LY6S: variants seen among roughly 807,000 people sequenced by gnomAD.
The protein encoded by LY6S is lymphocyte antigen 6 family member S, also known as lymphocyte antigen 6S.
chr8:143,057,925 T>C, the LY6S span: 2 of 578,764 alleles, frequency 3.5e-6, no homozygotes, highest in South Asian at 2.0e-5. Context: ...CGGCCCACGG[T>C]GCGGGTGGTC....
chr8:143,070,447 T>TATATATATATATATAATATATATATAA, the LY6S span, among the ~76,000 whole-genome samples: 3 of 28,388 alleles, frequency 1.1e-4, no homozygotes, highest in African/African-American at 3.0e-4. Context: ...ATATATATTG[T>TATATATATATATATAATATATATATAA]ATATATATAT....
chr8:143,046,353 G>A, the LY6S span, among the ~76,000 whole-genome samples: 223 of 151,694 alleles, frequency 1.5e-3, 1 homozygote, highest in African/African-American at 5.1e-3. Context: ...TGAAGTGGGC[G>A]GATCACAAGG....
At chr8:143,049,973 G>A in the LY6S span, among the ~76,000 whole-genome samples, 1 of 152,144 alleles carries the variant, frequency 6.6e-6, no homozygotes, top group Admixed American at 6.6e-5. Flanking sequence ...GAGTCCTCCC[G>A]AAACTGGGAG....
chr8:143,069,034 G>C, the LY6S span, among the ~76,000 whole-genome samples: 1 of 152,144 alleles, frequency 6.6e-6, no homozygotes, highest in Non-Finnish European at 1.5e-5. Flanking sequence ...GCAAAGCAAG[G>C]GGCTGTGCCA....
At chr8:143,044,492 G>A in the LY6S span, among the ~76,000 whole-genome samples, 1 of 152,008 alleles carries the variant, frequency 6.6e-6, no homozygotes, top group Non-Finnish European at 1.5e-5. Context: ...CAGCCCTGCC[G>A]CTCTTCCACC....
the LY6S span, among the ~76,000 whole-genome samples, chr8:143,067,012 T>C: frequency 1.5e-4 from 23 of 152,282 alleles, no homozygotes; most frequent in Non-Finnish European, 2.8e-4. Context: ...GGGTGGTGTT[T>C]GGATCGTTGG....
chr8:143,065,976 G>A, the LY6S span: 1 of 336,916 alleles, frequency 3.0e-6, no homozygotes, highest in Non-Finnish European at 5.7e-6. Context: ...AGGCGGGGGT[G>A]TTCGGTCCTT....
chr8:143,064,801 T>G, the LY6S span, among the ~76,000 whole-genome samples: 3 of 152,206 alleles, frequency 2.0e-5, no homozygotes, highest in Non-Finnish European at 4.4e-5. Context: ...TTTGGGTCCG[T>G]GCGGGGAATT....
At chr8:143,062,628 G>A in the LY6S span, among the ~76,000 whole-genome samples, 32 of 152,260 alleles carry the variant, frequency 2.1e-4, 1 homozygote, top group East Asian at 5.8e-3. Flanking sequence ...AGCCAAGATC[G>A]CACCATTGCA....
At chr8:143,073,437 G>A in the LY6S span, among the ~76,000 whole-genome samples, 27 of 129,732 alleles carry the variant, frequency 2.1e-4, no homozygotes, top group East Asian at 2.6e-4. Flanking sequence ...CGTCCTCGGG[G>A]TTCCTGTTTG....
the LY6S span, among the ~76,000 whole-genome samples, chr8:143,048,139 G>A: frequency 1.3e-4 from 20 of 152,310 alleles, no homozygotes; most frequent in East Asian, 3.9e-4. Context: ...AGCGGGTACC[G>A]TGGCAGTGCC....
chr8:143,050,952 G>A, the LY6S span, among the ~76,000 whole-genome samples: 6 of 152,310 alleles, frequency 3.9e-5, no homozygotes, highest in Admixed American at 6.5e-5. Flanking sequence ...ACGGGTGTGC[G>A]GACTCCAAGG....
At chr8:143,070,489 A>ATTTTTTTT in the LY6S span, among the ~76,000 whole-genome samples, 15 of 81,704 alleles carry the variant, frequency 1.8e-4, no homozygotes, top group African/African-American at 9.2e-4. Flanking sequence ...ATATATATAT[A>ATTTTTTTT]TTTTTTTTTT....
the LY6S span, among the ~76,000 whole-genome samples, chr8:143,070,456 A>AT: frequency 4.6e-5 from 2 of 43,396 alleles, no homozygotes; most frequent in African/African-American, 7.5e-5. Context: ...GTATATATAT[A>AT]TATATATAAT....
chr8:143,054,536 T>C, the LY6S span, among the ~76,000 whole-genome samples: 3 of 152,178 alleles, frequency 2.0e-5, no homozygotes, highest in Non-Finnish European at 4.4e-5. Context: ...AAAAATACTT[T>C]TGTAGCACAA....
the LY6S span, among the ~76,000 whole-genome samples, chr8:143,058,212 A>G: frequency 6.6e-6 from 1 of 152,274 alleles, no homozygotes; most frequent in East Asian, 1.9e-4. Flanking sequence ...TAAAGACACA[A>G]GACAAAGAGA....
At chr8:143,061,631 A>G in the LY6S span, among the ~76,000 whole-genome samples, 1 of 152,102 alleles carries the variant, frequency 6.6e-6, no homozygotes, top group Non-Finnish European at 1.5e-5. Context: ...TGCAAACTCC[A>G]CCTCCCGGGT....
chr8:143,042,623 A>G, the LY6S span: 1 of 207,068 alleles, frequency 4.8e-6, no homozygotes, highest in East Asian at 1.3e-4. Flanking sequence ...GGGTCAGCAA[A>G]GGGCTGTTTG....
the LY6S span, among the ~76,000 whole-genome samples, chr8:143,063,601 T>G: frequency 6.6e-6 from 1 of 152,236 alleles, no homozygotes; most frequent in East Asian, 1.9e-4. Flanking sequence ...ATGTCCAGTC[T>G]GCATGTGGCA....
Sources: allele counts gnomAD v4.1 joint callset (sites outside exome capture counted in the v4.1 genomes callset), GRCh38; gene constraint gnomAD v4.1.1; transcripts MANE v1.5; gene names NCBI Gene and HGNC (gene_info 2026-07-23, HGNC 2026-07-21).